Variants in PIK3C2B observed in about 807,000 individuals in gnomAD.
PIK3C2B encodes phosphatidylinositol 4-phosphate 3-kinase C2 domain-containing subunit beta.
PIK3C2B carries 83 observed loss-of-function variants against 184.3 expected under a neutral mutation model. The ratio of observed to expected loss-of-function variants is 0.45; its 90% CI spans 0.38 to 0.54. The LOEUF (loss-of-function observed/expected upper bound fraction) is 0.54. Among genes scored for constraint, PIK3C2B ranks in the 20% least tolerant of loss-of-function variants. PIK3C2B has a pLI of 0.00. For missense variants in PIK3C2B, 1,736 were observed against 2,113.5 expected (o/e 0.82, Z 3.50); for synonymous variants, 779 against 837.6 (o/e 0.93, Z 1.21).
At chr1:204,441,110 C>A (rs1395227211) in intron 21 of PIK3C2B, among the ~76,000 whole-genome samples, 1 of 152,186 alleles carries the variant, frequency 6.6e-6, no homozygotes, top group Non-Finnish European at 1.5e-5. Context: ...GTTGGACCTG[C>A]ACCTGATATA....
chr1:204,480,929 G>A (rs1657084443), intron 1 of PIK3C2B, among the ~76,000 whole-genome samples: 1 of 152,104 alleles, frequency 6.6e-6, no homozygotes, highest in Non-Finnish European at 1.5e-5. Context: ...AGAGTCTAAT[G>A]ATAAAGCAGG....
intron 1 of PIK3C2B, among the ~76,000 whole-genome samples, chr1:204,488,166 C>G (rs1366394703): frequency 1.3e-5 from 2 of 152,154 alleles, no homozygotes; most frequent in African/African-American, 4.8e-5. Flanking sequence ...GGCTTTGAAC[C>G]CAAGTAATCT....
At chr1:204,466,989 C>A (rs765194611) in intron 2 of PIK3C2B, 2 of 504,430 alleles carry the variant, frequency 4.0e-6, no homozygotes, top group East Asian at 1.1e-4. Flanking sequence ...CCCCTCCCAG[C>A]AGGCTGAGCC....
intron 1 of PIK3C2B, among the ~76,000 whole-genome samples, chr1:204,492,202 A>G (rs1658054739): frequency 6.6e-6 from 1 of 152,160 alleles, no homozygotes; most frequent in Non-Finnish European, 1.5e-5. Context: ...TTTTGCACAC[A>G]TGATTCTGTT....
rs1675071246 is a variant in PIK3C2B, at chr1:204,431,737, C to T, written c.4212G>A (p.Arg1404=). 2 of 1,614,188 alleles carry T rather than the reference C, an allele frequency of 1.2e-6. No individual in the cohort carries two copies. The highest frequency in any genetic ancestry group is 1.7e-6 in the Non-Finnish European group (2 of 1,180,026). The change falls in exon 28 of 33, where the codon CGG becomes CGA. Residue 1404 remains arginine, a synonymous_variant. Transcript: ENST00000684373. ...GTAATTCCTGGAACTCCTCAAAGGTCCGCTGGATGTAGGTGGCCTCGTGAG... is the reference window on the plus strand; with the variant it reads ...GTAATTCCTGGAACTCCTCAAAGGTTCGCTGGATGTAGGTGGCCTCGTGAG... ...ENTHEATYIQ[R]TFEEFQELHN... is the part of the protein sequence containing the mutation.
At chr1:204,476,973 CT>C (rs1656760458) in intron 1 of PIK3C2B, among the ~76,000 whole-genome samples, 1 of 152,326 alleles carries the variant, frequency 6.6e-6, no homozygotes, top group Admixed American at 6.5e-5. Context: ...TCCACATTTG[CT>C]CTCTTTCTTG....
chr1:204,438,933 A>G lies in PIK3C2B; in HGVS notation c.3516+2T>C. 1 of 1,612,688 alleles carries G rather than the reference A, an allele frequency of 6.2e-7. No individual in the cohort carries two copies. The highest frequency in any genetic ancestry group is 8.5e-7 in the Non-Finnish European group (1 of 1,179,834). On this transcript the variant is annotated splice_donor_variant, in intron 23 of 32. Coordinates refer to ENST00000684373, the MANE Select transcript of PIK3C2B (RefSeq NM_001377334.1). LOFTEE classifies it high-confidence loss of function. ...AGACGCACTCCCCACCCACAACCCTACCTTCTCATACTCGTCCTCCCCAGG... is the reference window on the plus strand; with the variant it reads ...AGACGCACTCCCCACCCACAACCCTGCCTTCTCATACTCGTCCTCCCCAGG...
chr1:204,488,951 C>T (rs1346170237), intron 1 of PIK3C2B, among the ~76,000 whole-genome samples: 15 of 152,184 alleles, frequency 9.9e-5, no homozygotes, highest in Admixed American at 9.2e-4. Flanking sequence ...ATCCTATTGT[C>T]TTCCAGAAAT....
intron 1 of PIK3C2B, among the ~76,000 whole-genome samples, chr1:204,478,122 C>A (rs1313173711): frequency 6.6e-6 from 1 of 152,136 alleles, no homozygotes; most frequent in Non-Finnish European, 1.5e-5. Context: ...CAGGAAGGGA[C>A]CCTCAGCACT....
chr1:204,454,496 A>AG, intron 12 of PIK3C2B, 173 bp downstream of exon 12: 1 of 597,888 alleles, frequency 1.7e-6, no homozygotes, highest in East Asian at 3.1e-5. Context: ...AAAAAAAAAA[A>AG]AAAAGAGTCA....
In PIK3C2B at chr1:204,465,198, A is replaced by AG; in HGVS notation, c.1034+20_1034+21insC. 18 of 926,258 alleles carry AG rather than the reference A, an allele frequency of 1.9e-5. 1 individual carries two copies. The highest frequency in any genetic ancestry group is 7.8e-5 in the East Asian group (3 of 38,594). 57.4% of individuals were successfully genotyped at this position (926,258 alleles called of 1,614,324 possible). The stretch of plus-strand genomic sequence containing the variant: ...ATCCCCCATAGCCCTCCCAAATCCC[A>AG]CCCCATTCTTTAACTCTTACATATC... On this transcript the variant is annotated intron_variant, in intron 3 of 32. Coordinates refer to ENST00000684373, the MANE Select transcript of PIK3C2B (RefSeq NM_001377334.1).
At chr1:204,454,121 T>C (rs988583064) in intron 12 of PIK3C2B, among the ~76,000 whole-genome samples, 15 of 152,184 alleles carry the variant, frequency 9.9e-5, no homozygotes, top group Admixed American at 3.3e-4. Flanking sequence ...AGAGCCTTTA[T>C]AGATACTTCT....
rs1481567074 is a variant in PIK3C2B at position 204,456,036 on chromosome 1, G to C, written c.1763C>G (p.Ala588Gly). 6.2e-7 allele frequency: 1 copy of C among 1,613,252 alleles called. No individual in the cohort carries two copies. The highest frequency in any genetic ancestry group is 8.5e-7 in the Non-Finnish European group (1 of 1,179,448). The change falls in exon 11 of 33, where the codon GCC becomes GGC. Residue 588 changes from alanine (A) to glycine (G), a missense_variant. By Grantham distance (60) the Ala-to-Gly change is moderately conservative. Transcript: ENST00000684373. The stretch of plus-strand genomic sequence containing the variant: ...CAGGTCCAAGATGGCAGCGGTCAGG[G>C]CTTCCACGACCTTCTCTGGGAAGGG... The part of the protein sequence containing the change: ...VRENREKVVE[A>G]LTAAILDLVE...
chr1:204,442,976 A>AT (rs1675752593), intron 19 of PIK3C2B, among the ~76,000 whole-genome samples: 1 of 152,324 alleles, frequency 6.6e-6, no homozygotes, highest in East Asian at 1.9e-4. Flanking sequence ...AAAATCTCTC[A>AT]ATTTTTAAAT....
At chr1:204,464,172 T>C (rs1655560447) in intron 4 of PIK3C2B, 40 bp from the exon 5 acceptor site, 1 of 1,608,674 alleles carries the variant, frequency 6.2e-7, no homozygotes, top group Non-Finnish European at 8.5e-7. Context: ...ATGATGGATG[T>C]CAAGGCAGAT....
chr1:204,485,041 CTTT>C (rs541322931), intron 1 of PIK3C2B, among the ~76,000 whole-genome samples: 2 of 138,382 alleles, frequency 1.4e-5, no homozygotes, highest in African/African-American at 2.7e-5. Context: ...GTCTTCCAGT[CTTT>C]TTTTTTTTTT....
chr1:204,494,106 C>T (rs1051451721), intron 1 of PIK3C2B, among the ~76,000 whole-genome samples: 1 of 151,876 alleles, frequency 6.6e-6, no homozygotes. Context: ...GCCTGGAGCC[C>T]CAGAGGCCCT....
At chr1:204,449,342 G>T in intron 13 of PIK3C2B, 46 bp from the exon 14 acceptor site, 1 of 1,421,582 alleles carries the variant, frequency 7.0e-7, no homozygotes, top group East Asian at 2.4e-5. Context: ...TGGCTAAGCA[G>T]AGAATATTTC....
intron 1 of PIK3C2B, among the ~76,000 whole-genome samples, chr1:204,491,771 G>A (rs1379981669): frequency 2.0e-5 from 3 of 152,246 alleles, no homozygotes; most frequent in South Asian, 4.1e-4. Context: ...GGTAAGGAGT[G>A]AGACTGCTTG....
Sources: allele counts gnomAD v4.1 joint callset (sites outside exome capture counted in the v4.1 genomes callset), GRCh38; gene constraint gnomAD v4.1.1; transcripts MANE v1.5; gene names NCBI Gene and HGNC (gene_info 2026-07-23, HGNC 2026-07-21).